Variants in ADAMTSL1 observed in about 807,000 individuals in gnomAD.
ADAMTSL1 encodes ADAMTS-like protein 1.
ADAMTSL1 carries 126 observed loss-of-function variants against 201.8 expected under a neutral mutation model. That is an observed-to-expected ratio of 0.62 (90% CI 0.54 to 0.72). The LOEUF is 0.72. Ranked by LOEUF, ADAMTSL1 falls within the 30% of genes least tolerant of loss-of-function variation. The pLI, the probability that ADAMTSL1 is intolerant of heterozygous loss-of-function variation, is 0.00. For missense variants in ADAMTSL1, 2,679 were observed against 2,277.8 expected, an observed-to-expected ratio of 1.18 and a Z score of -3.59; for synonymous variants, 1,121 against 903.4, an observed-to-expected ratio of 1.24 and a Z score of -4.32.
chr9:18,290,391 C>T (rs574071700), intron 2 of ADAMTSL1, among the ~76,000 whole-genome samples: 1 of 151,758 alleles, frequency 6.6e-6, no homozygotes, highest in African/African-American at 2.4e-5. Context: ...ATTTGGTGTG[C>T]TGAGCCAATG....
At chr9:18,568,929 T>C (rs1305349975) in intron 3 of ADAMTSL1, among the ~76,000 whole-genome samples, 1 of 152,038 alleles carries the variant, frequency 6.6e-6, no homozygotes, top group Non-Finnish European at 1.5e-5. Flanking sequence ...AAAACAGAGG[T>C]ATGTCTCTCT....
At chr9:17,984,278 C>G (rs150935802) in intron 1 of ADAMTSL1, among the ~76,000 whole-genome samples, 76 of 152,004 alleles carry the variant, frequency 5.0e-4, no homozygotes, top group African/African-American at 1.7e-3. Flanking sequence ...ACTCTCAGCA[C>G]CCAGATTATG....
chr9:18,712,285 C>T (rs1408860044), intron 14 of ADAMTSL1, among the ~76,000 whole-genome samples: 1 of 152,122 alleles, frequency 6.6e-6, no homozygotes, highest in Non-Finnish European at 1.5e-5. Context: ...AGGCTTCAGA[C>T]AATCAAATTA....
chr9:18,762,198 G>C (rs1485644550), intron 16 of ADAMTSL1, among the ~76,000 whole-genome samples: 1 of 152,154 alleles, frequency 6.6e-6, no homozygotes, highest in Non-Finnish European at 1.5e-5. Flanking sequence ...CTGTGTGCAT[G>C]CAGGGAGGGA....
chr9:18,889,763 C>T lies in ADAMTSL1; in HGVS notation c.4643+15C>T. On this transcript the variant is annotated intron_variant, in intron 25 of 28. Coordinates refer to ENST00000380548, the MANE Select transcript of ADAMTSL1 (RefSeq NM_001040272.6). ...TGCCCTTCTCGGTGAGTGCAGCGGACACTGGCTCAGACCTCCCCACCCTAG... is the reference window on the plus strand; with the variant it reads ...TGCCCTTCTCGGTGAGTGCAGCGGATACTGGCTCAGACCTCCCCACCCTAG... 1 of 1,460,444 alleles carries T rather than the reference C, an allele frequency of 6.8e-7. No individual in the cohort carries two copies. The highest frequency in any genetic ancestry group is 9.0e-7 in the Non-Finnish European group (1 of 1,108,118). 90.5% of individuals were successfully genotyped at this position (1,460,444 alleles called of 1,614,324 possible).
rs577319190 is a variant in ADAMTSL1, at chr9:18,597,725, A to AT, written c.474+23467dup. Among the ~76,000 whole-genome samples, 77 of 152,170 alleles carry AT rather than the reference A, an allele frequency of 5.1e-4. No individual in the cohort carries two copies. The East Asian group carries it at 0.011, about 23-fold the overall frequency. On this transcript the variant is annotated intron_variant, in intron 4 of 28. Coordinates refer to ENST00000380548, the MANE Select transcript of ADAMTSL1 (RefSeq NM_001040272.6). ...GAAATATCAAGTGAGGAAAGGGATG[A>AT]TTTTTTTTAATGTTGTAGCTACTTT...
intron 9 of ADAMTSL1, among the ~76,000 whole-genome samples, chr9:18,675,253 CT>C (rs1474616818): frequency 6.6e-6 from 1 of 152,090 alleles, no homozygotes; most frequent in African/African-American, 2.4e-5. Context: ...GGAAATTTGC[CT>C]TTGCTAATAG....
chr9:18,833,199 C>G (rs1337813776), intron 23 of ADAMTSL1, among the ~76,000 whole-genome samples: 6 of 152,208 alleles, frequency 3.9e-5, no homozygotes, highest in African/African-American at 1.2e-4. Context: ...CTCTCATACT[C>G]TTGACCACAT....
intron 2 of ADAMTSL1, among the ~76,000 whole-genome samples, chr9:18,187,177 A>G (rs900199827): frequency 6.6e-5 from 10 of 152,130 alleles, no homozygotes; most frequent in Non-Finnish European, 7.4e-5. Flanking sequence ...CTCTCTGTTG[A>G]TGCAGAGTTC....
chr9:18,834,094 G>A (rs1825166351), intron 23 of ADAMTSL1, among the ~76,000 whole-genome samples: 1 of 152,136 alleles, frequency 6.6e-6, no homozygotes, highest in African/African-American at 2.4e-5. Context: ...CCATAGCCCT[G>A]TAATATACTT....
At chr9:18,140,556 G>T (rs1001395847) in intron 1 of ADAMTSL1, among the ~76,000 whole-genome samples, 1 of 152,138 alleles carries the variant, frequency 6.6e-6, no homozygotes, top group Non-Finnish European at 1.5e-5. Context: ...TTTACTGGGG[G>T]CTAGTCATAT....
chr9:18,852,699 G>A (rs1028590831), intron 23 of ADAMTSL1, among the ~76,000 whole-genome samples: 1 of 152,208 alleles, frequency 6.6e-6, no homozygotes, highest in Admixed American at 6.5e-5. Context: ...AATGAACTTT[G>A]AAATCAGAGT....
chr9:18,206,891 C>A (rs142173883), intron 2 of ADAMTSL1, among the ~76,000 whole-genome samples: 4 of 151,982 alleles, frequency 2.6e-5, no homozygotes, highest in Admixed American at 1.3e-4. Context: ...GGGCTTGGCA[C>A]GGTGGCTCAC....
At chr9:18,105,961 C>A (rs889246664) in intron 1 of ADAMTSL1, among the ~76,000 whole-genome samples, 1 of 152,194 alleles carries the variant, frequency 6.6e-6, no homozygotes, top group Non-Finnish European at 1.5e-5. Flanking sequence ...ATGCTCAGTT[C>A]TGCAAAAGAT....
intron 16 of ADAMTSL1, among the ~76,000 whole-genome samples, chr9:18,756,303 A>G (rs957403705): frequency 7.4e-5 from 11 of 149,310 alleles, no homozygotes; most frequent in African/African-American, 2.7e-4. Flanking sequence ...AAAAAAAAAA[A>G]AATCTTTGAT....
rs1037967745 is a variant in ADAMTSL1 at position 18,241,818 on chromosome 9, C to A, written c.207+77837C>A. 1.2e-4 allele frequency among the ~76,000 whole-genome samples: 19 copies of A among 152,014 alleles called. 1 individual carries two copies. The highest frequency in any genetic ancestry group is 6.8e-3 in the Middle Eastern group (2 of 292). ...AAAATACAACATACAAAGATAGAATCAGGAAGAAATAGAAATCCTGAACAG... is the reference window on the plus strand; with the variant it reads ...AAAATACAACATACAAAGATAGAATAAGGAAGAAATAGAAATCCTGAACAG... On this transcript the variant is annotated intron_variant, in intron 2 of 29. Coordinates refer to the ADAMTSL1 transcript ENST00000680146.
chr9:18,257,406 G>A (rs138325723), intron 2 of ADAMTSL1, among the ~76,000 whole-genome samples: 86 of 152,182 alleles, frequency 5.7e-4, no homozygotes, highest in African/African-American at 7.2e-4. Flanking sequence ...TTCAATAAGC[G>A]CATGAAAAGA....
rs561622408 is a variant in ADAMTSL1, at chr9:18,399,280, C to CATATATATAT, written c.208-105509_208-105500dup. 1.9e-3 allele frequency among the ~76,000 whole-genome samples: 58 copies of CATATATATAT among 30,990 alleles called. 1 individual carries two copies. Among genetic ancestry groups the CATATATATAT allele is most frequent in the Non-Finnish European group, 2.6e-3 (39 of 15,280 alleles). The allele number at this position is 30,990 out of a possible 152,430, so 20.3% of individuals were successfully genotyped here. ...TTCTTTAGTTCCTCTGTCTGCTTTA[C>CATATATATAT]ATATATATATATATATATATATATA... is the stretch of plus-strand genomic sequence containing the variant. On this transcript the variant is annotated intron_variant, in intron 2 of 29. Transcript: ENST00000680146.
chr9:18,644,566 T>C (rs1171072957), intron 7 of ADAMTSL1, among the ~76,000 whole-genome samples: 1 of 137,988 alleles, frequency 7.2e-6, no homozygotes, highest in South Asian at 2.3e-4. Context: ...GTCCCCAGAG[T>C]GTGATGTTCC....
Sources: gnomAD v4.1 joint callset for allele counts (sites outside exome capture counted in the v4.1 genomes callset) on GRCh38, gnomAD v4.1.1 for gene constraint, MANE v1.5 for transcripts, NCBI Gene and HGNC (gene_info 2026-07-23, HGNC 2026-07-21) for gene names.